The following RASAL1 variants were observed in gnomAD, a reference collection of about 807,000 sequenced individuals.
RASAL1 encodes rasGAP-activating-like protein 1.
Under a neutral mutation model 96.6 loss-of-function variants are expected in RASAL1, and 72 were observed. The observed-to-expected ratio is 0.75, with a 90% CI of 0.62 to 0.91. The LOEUF (loss-of-function observed/expected upper bound fraction) is 0.91. Among genes scored for constraint, RASAL1 ranks in the 40% least tolerant of loss-of-function variants. RASAL1 has a pLI of 0.00. For synonymous variants in RASAL1, 405 were observed against 430.4 expected, an observed-to-expected ratio of 0.94 and a Z score of 0.73; for missense variants, 1,016 against 1,072.5, an observed-to-expected ratio of 0.95 and a Z score of 0.74.
Position 113,112,165 on chromosome 12 carries a change from C to T in RASAL1, c.1295G>A (p.Arg432His), listed in dbSNP as rs887993049. The T allele has an allele frequency of 1.6e-6, 2 of 1,253,852 alleles. No individual in the cohort carries two copies. Among genetic ancestry groups the T allele is most frequent in the Non-Finnish European group, 2.0e-6 (2 of 991,718 alleles). The allele number at this position is 1,253,852 out of a possible 1,614,324, so 77.7% of individuals were successfully genotyped here. The change falls in exon 13 of 21, where the codon CGC (arginine) becomes CAC (histidine). Residue 432 changes from arginine (R) to histidine (H), a missense_variant. By Grantham distance (29) the Arg-to-His change is conservative. Coordinates refer to ENST00000548055, the MANE Select transcript of RASAL1 (RefSeq NM_001301202.2). ...IVDAIVGSVG[R>H]CPPAMRLAFK... ...GGCGAGGCGCATGGCGGGCGGGCAGCGCCCCACGGAGCCCACGATGGCGTC... is the reference window on the plus strand; with the variant it reads ...GGCGAGGCGCATGGCGGGCGGGCAGTGCCCCACGGAGCCCACGATGGCGTC...
Position 113,112,106 on chromosome 12 carries a change from A to C in RASAL1, c.1354T>G (p.Phe452Val). 8.0e-7 allele frequency: 1 copy of C among 1,243,978 alleles called. No individual in the cohort carries two copies. Among genetic ancestry groups the C allele is most frequent in the Non-Finnish European group, 1.0e-6 (1 of 989,836 alleles). The allele number at this position is 1,243,978 out of a possible 1,614,324, so 77.1% of individuals were successfully genotyped here. Residue 452 changes from phenylalanine to valine, a missense_variant, in exon 13 of 21, where the codon TTC (phenylalanine) becomes GTC (valine). Coordinates refer to ENST00000548055, the MANE Select transcript of RASAL1 (RefSeq NM_001301202.2). ...KQLHRRVEER[F>V]PQAEHQDVKY... is the part of the protein sequence containing the mutation. ...CGCACCTGGTGCTCGGCCTGGGGGA[A>C]GCGCTCCTCCACTCGCCGGTGCAGC...
chr12:113,117,192 G>C (rs753533697), intron 7 of RASAL1, 31 bp from the exon 8 acceptor site: 4 of 1,519,136 alleles, frequency 2.6e-6, no homozygotes, highest in Middle Eastern at 1.7e-4. Flanking sequence ...ACCCTCAGCC[G>C]GGCCCTGGCC....
rs767104974 is a variant in RASAL1, at chr12:113,115,259, G to C, written c.1009C>G (p.Pro337Ala). The C allele has an allele frequency of 3.1e-6, 5 of 1,613,454 alleles. No homozygotes were observed. In the Admixed American group the frequency reaches 8.3e-5, roughly 27 times the overall value. Reference protein sequence around the residue: ...TRREVARTMDPNTLFRSNSLA... With the variant: ...TRREVARTMDANTLFRSNSLA... ...GAGTTAGAACGGAAGAGGGTGTTGGGGTCCACTGGGAGGACAGGAGGAAGT... is the reference window on the plus strand; with the variant it reads ...GAGTTAGAACGGAAGAGGGTGTTGGCGTCCACTGGGAGGACAGGAGGAAGT... Residue 337 changes from proline (P) to alanine (A), a missense_variant, in exon 11 of 21, where the codon CCC (proline) becomes GCC (alanine). Physicochemically the swap from Pro to Ala is conservative, Grantham distance 27. Coordinates refer to ENST00000548055, the MANE Select transcript of RASAL1 (RefSeq NM_001301202.2). The surrounding 1 kb of genome is among the most constrained non-coding windows in gnomAD (Gnocchi z 4.1).
chr12:113,114,938 G>C, intron 11 of RASAL1, 26 bp from the exon 12 acceptor site: 1 of 1,578,810 alleles, frequency 6.3e-7, no homozygotes, highest in Non-Finnish European at 8.7e-7. Flanking sequence ...ACCACACGGG[G>C]TGGGGCTGAG....
At chr12:113,128,571 A>G (rs1370139812) in intron 2 of RASAL1, among the ~76,000 whole-genome samples, 1 of 151,852 alleles carries the variant, frequency 6.6e-6, no homozygotes, top group Admixed American at 6.6e-5. Flanking sequence ...GGGCCCCAAT[A>G]CACATCTAAG....
chr12:113,133,238 G>T (rs1951784554), intron 1 of RASAL1, among the ~76,000 whole-genome samples: 2 of 152,186 alleles, frequency 1.3e-5, no homozygotes, highest in African/African-American at 4.8e-5. Flanking sequence ...GGCAAGAGGG[G>T]GTGGCTGCTT....
In RASAL1 at chr12:113,107,082, A is replaced by T. The variant is rs763079232; in HGVS notation, c.1657+15T>A. On this transcript the variant is annotated intron_variant, in intron 15 of 20. Coordinates refer to ENST00000548055, the MANE Select transcript of RASAL1 (RefSeq NM_001301202.2). ...GGGCTGAGAAGCCAGATGTGGCCGGACCACAGGAACTCACCTTCATCCCCA... is the reference window on the plus strand; with the variant it reads ...GGGCTGAGAAGCCAGATGTGGCCGGTCCACAGGAACTCACCTTCATCCCCA... 4.4e-6 allele frequency: 7 copies of T among 1,603,778 alleles called. No individual in the cohort carries two copies. In the African/African-American group the frequency reaches 8.0e-5, roughly 18 times the overall value.
At chr12:113,105,018 G>A (rs1436812769) in intron 16 of RASAL1, among the ~76,000 whole-genome samples, 1 of 152,214 alleles carries the variant, frequency 6.6e-6, no homozygotes, top group Non-Finnish European at 1.5e-5. Flanking sequence ...GTCACTCATT[G>A]GGTGGACCCA....
rs1250725059 is a variant in RASAL1 at position 113,101,959 on chromosome 12, C to CACTCCA, written c.2149_2154dup (p.Trp717_Ser718dup). ...GCCTCAGCATCAGGATCCAGTGGGT[C>CACTCCA]ACTCCAGTCCCCCAGGGTGACAGCT... On this transcript the variant is annotated inframe_insertion, in exon 19 of 21. Coordinates refer to ENST00000548055, the MANE Select transcript of RASAL1 (RefSeq NM_001301202.2). 6.2e-7 allele frequency: 1 copy of CACTCCA among 1,614,022 alleles called. No individual in the cohort carries two copies. The highest frequency in any genetic ancestry group is 8.5e-7 in the Non-Finnish European group (1 of 1,180,026).
At chr12:113,132,388 T>G (rs1365404533) in intron 1 of RASAL1, among the ~76,000 whole-genome samples, 1 of 152,086 alleles carries the variant, frequency 6.6e-6, no homozygotes, top group Admixed American at 6.5e-5. Flanking sequence ...CCCCCACATC[T>G]GGCATGCATT....
At position 113,104,170 on chromosome 12, in the gene RASAL1, G is replaced by C. The variant is rs569184816; in HGVS notation, c.1959C>G (p.Leu653=). The change falls in exon 17 of 21, where the codon CTC becomes CTG. Residue 653 remains leucine, a synonymous_variant. Coordinates refer to ENST00000548055, the MANE Select transcript of RASAL1 (RefSeq NM_001301202.2). ...CGCGGTGGGGTCTCACCTTGCACTG[G>C]AGGTAGGTGGTGTGCAGCGCCCCCG... ...DGTGALHTTY[L]QCKNVNELNQ... The C allele has an allele frequency of 1.9e-6, 3 of 1,608,862 alleles. No homozygotes were observed. The highest frequency in any genetic ancestry group is 2.5e-6 in the Non-Finnish European group (3 of 1,176,596).
chr12:113,100,019 C>T lies in RASAL1; in HGVS notation c.2328G>A (p.Leu776=), dbSNP rs1950384590. 3.7e-6 allele frequency: 6 copies of T among 1,613,590 alleles called. No individual in the cohort carries two copies. The East Asian group carries it at 1.3e-4, about 36-fold the overall frequency. ...LARQRAATAR[L]LEVLADLDRA... Reference sequence around the variant, plus strand: ...GATCCAGGTCTGCGAGCACCTCCAGCAGGCGGGCAGTTGCTGCTCTTTGCC... The same window carrying T: ...GATCCAGGTCTGCGAGCACCTCCAGTAGGCGGGCAGTTGCTGCTCTTTGCC... The change falls in exon 21 of 21, where the codon CTG becomes CTA. Residue 776 remains leucine (L), a synonymous_variant. Transcript: ENST00000548055.
chr12:113,135,213 C>T lies in RASAL1; in HGVS notation c.65+185G>A, dbSNP rs1169850275. 6.6e-6 allele frequency among the ~76,000 whole-genome samples: 1 copy of T among 152,168 alleles called. No homozygotes were observed. Among genetic ancestry groups the T allele is most frequent in the African/African-American group, 2.4e-5 (1 of 41,448 alleles). On this transcript the variant is annotated intron_variant, in intron 1 of 20. Coordinates refer to ENST00000548055, the MANE Select transcript of RASAL1 (RefSeq NM_001301202.2). This position sits in a 1 kb window ranked among gnomAD's most constrained non-coding sequence, Gnocchi z 5.7. ...GCATCTGCTAACTCTAGGCGCCCCC[C>T]TCCCACCGGGACAGCCATGGGCATG...
At chr12:113,126,593 A>C (rs895970151) in intron 4 of RASAL1, among the ~76,000 whole-genome samples, 17 of 152,050 alleles carry the variant, frequency 1.1e-4, no homozygotes, top group Middle Eastern at 3.4e-3. Context: ...GAGGTGGGAG[A>C]ATCACTTGAG....
At position 113,121,540 on chromosome 12, in the gene RASAL1, G is replaced by T; in HGVS notation, c.397C>A (p.Arg133Ser). Residue 133 changes from arginine to serine, a missense_variant, in exon 5 of 21, where the codon CGC becomes AGC. Physicochemically the swap from Arg to Ser is moderately radical, Grantham distance 110. Transcript: ENST00000548055. Reference sequence around the variant, plus strand: ...TGAAGCACATGGCAGCGAAGGCAGCGGCCCTGCCCATCCTCCAGCATCTGC... The same window carrying T: ...TGAAGCACATGGCAGCGAAGGCAGCTGCCCTGCCCATCCTCCAGCATCTGC... ...SVQMLEDGQG[R>S]CLRCHVLQAR... 4 of 1,614,112 alleles carry T rather than the reference G, an allele frequency of 2.5e-6. No homozygotes were observed. The highest frequency in any genetic ancestry group is 3.4e-6 in the Non-Finnish European group (4 of 1,180,028).
rs1407405276 is a variant in RASAL1 at position 113,130,771 on chromosome 12, G to A, written c.122+114C>T. 3.6e-6 allele frequency: 3 copies of A among 833,204 alleles called. No homozygotes were observed. Among genetic ancestry groups the A allele is most frequent in the South Asian group, 3.5e-5 (2 of 56,768 alleles). The allele number at this position is 833,204 out of a possible 1,614,324, so 51.6% of individuals were successfully genotyped here. A position where few individuals can be genotyped will look rare whatever the true frequency, so the allele number is the denominator to read the frequency against. On this transcript the variant is annotated intron_variant, in intron 2 of 20. Transcript: ENST00000548055. The surrounding 1 kb of genome is among the most constrained non-coding windows in gnomAD (Gnocchi z 5.1). ...ACACAAATCACCCACCTGCAGGCCCGCGAGTCCCCCTCAGGGTAAGCACTC... is the reference window on the plus strand; with the variant it reads ...ACACAAATCACCCACCTGCAGGCCCACGAGTCCCCCTCAGGGTAAGCACTC...
intron 12 of RASAL1, 77 bp downstream of exon 12, chr12:113,114,723 T>C: frequency 1.5e-6 from 2 of 1,305,940 alleles, no homozygotes; most frequent in Non-Finnish European, 1.1e-6. Context: ...GCAGTCAGCA[T>C]GAACCCAGCC....
intron 15 of RASAL1, 93 bp downstream of exon 15, chr12:113,107,004 A>G (rs1402833353): frequency 3.8e-6 from 5 of 1,331,036 alleles, no homozygotes; most frequent in East Asian, 2.4e-5. Context: ...TCACATTCTT[A>G]GTGCTGAGGA....
At chr12:113,135,961 C>G (rs556552607), upstream of RASAL1, 50 of 160,962 alleles carry the variant, frequency 3.1e-4, no homozygotes, top group Non-Finnish European at 5.8e-4. This position sits in a 1 kb window ranked among gnomAD's most constrained non-coding sequence, Gnocchi z 5.7. Flanking sequence ...CCGCTGGCTC[C>G]TGGTGAGTTG....
Sources: allele counts gnomAD v4.1 joint callset (sites outside exome capture counted in the v4.1 genomes callset), GRCh38; gene constraint gnomAD v4.1.1; non-coding constraint Gnocchi (gnomAD v3.1); transcripts MANE v1.5; gene names NCBI Gene and HGNC (gene_info 2026-07-23, HGNC 2026-07-21).